CLMP: variants seen among roughly 807,000 people sequenced by gnomAD.
The protein encoded by CLMP is CXADR-like membrane protein.
In CLMP, 27 loss-of-function variants were observed where a neutral mutation model predicts 45.2. The ratio of observed to expected loss-of-function variants is 0.60; its 90% CI spans 0.44 to 0.82. The LOEUF (loss-of-function observed/expected upper bound fraction) is 0.82. Ranked by LOEUF, CLMP falls within the 40% of genes least tolerant of loss-of-function variation. The pLI is 0.00. For missense variants in CLMP, 403 were observed against 448.4 expected, an observed-to-expected ratio of 0.90 and a Z score of 0.91; for synonymous variants, 167 against 171.4, an observed-to-expected ratio of 0.97 and a Z score of 0.20.
At chr11:123,073,984 T>C (rs1865705107) in intron 6 of CLMP, among the ~76,000 whole-genome samples, 1 of 152,086 alleles carries the variant, frequency 6.6e-6, no homozygotes, top group Admixed American at 6.6e-5. Flanking sequence ...TCAACTCTAT[T>C]ATACTGGGAG....
chr11:123,185,645 G>A (rs1414037225), intron 1 of CLMP, among the ~76,000 whole-genome samples: 4 of 152,180 alleles, frequency 2.6e-5, no homozygotes, highest in African/African-American at 9.7e-5. Context: ...GCTCCCCCAG[G>A]GGAAGGCAGA....
At chr11:123,116,289 T>G (rs768975858) in intron 1 of CLMP, among the ~76,000 whole-genome samples, 1 of 151,984 alleles carries the variant, frequency 6.6e-6, no homozygotes, top group African/African-American at 2.4e-5. Flanking sequence ...CTTAAAGGCC[T>G]GGCATGGTGG....
intron 1 of CLMP, among the ~76,000 whole-genome samples, chr11:123,185,064 G>C (rs1226110904): frequency 6.6e-6 from 1 of 152,212 alleles, no homozygotes; most frequent in African/African-American, 2.4e-5. Context: ...GCGGATGGGA[G>C]GGAGCTGGTC....
chr11:123,113,231 C>T (rs1003127223), intron 1 of CLMP, among the ~76,000 whole-genome samples: 11 of 152,188 alleles, frequency 7.2e-5, no homozygotes, highest in African/African-American at 2.7e-4. Flanking sequence ...ACCTGGAGTG[C>T]ATATTTGTTC....
intron 1 of CLMP, among the ~76,000 whole-genome samples, chr11:123,110,921 G>A (rs1257277146): frequency 6.6e-6 from 1 of 152,110 alleles, no homozygotes; most frequent in African/African-American, 2.4e-5. Flanking sequence ...GAGTGTGTGA[G>A]TAGCTGTAAA....
chr11:123,082,536 C>T (rs1043935714), intron 5 of CLMP, among the ~76,000 whole-genome samples: 2 of 151,660 alleles, frequency 1.3e-5, no homozygotes, highest in Admixed American at 1.3e-4. Flanking sequence ...CTCCTGACCT[C>T]GTGATCTGCC....
chr11:123,140,551 T>A (rs1032009091), intron 1 of CLMP, among the ~76,000 whole-genome samples: 1 of 152,026 alleles, frequency 6.6e-6, no homozygotes, highest in Admixed American at 6.6e-5. Flanking sequence ...CCTGCCTCCA[T>A]CTTATACCTC....
chr11:123,104,851 G>C (rs1200854251), intron 1 of CLMP, among the ~76,000 whole-genome samples: 1 of 152,218 alleles, frequency 6.6e-6, no homozygotes, highest in African/African-American at 2.4e-5. Flanking sequence ...GAGATCATCA[G>C]TTTAACTTAT....
chr11:123,161,099 T>C (rs750270488), intron 1 of CLMP, among the ~76,000 whole-genome samples: 3 of 152,186 alleles, frequency 2.0e-5, no homozygotes, highest in Non-Finnish European at 2.9e-5. Context: ...GAAAGGCAAT[T>C]ACTTGTCCAA....
chr11:123,097,687 A>C, intron 2 of CLMP, 108 bp downstream of exon 2: 1 of 859,544 alleles, frequency 1.2e-6, no homozygotes, highest in Non-Finnish European at 1.8e-6. Context: ...GCCAGATGAA[A>C]AAGGAACTCC....
At chr11:123,078,583 A>T (rs1248813960) in intron 5 of CLMP, among the ~76,000 whole-genome samples, 1 of 151,306 alleles carries the variant, frequency 6.6e-6, no homozygotes, top group Non-Finnish European at 1.5e-5. Context: ...AGTAGCTGGG[A>T]TTAGAGGTGT....
intron 1 of CLMP, chr11:123,188,797 C>G (rs1861866189): frequency 6.6e-6 from 1 of 152,188 alleles, no homozygotes. Flanking sequence ...AGGAAATAAA[C>G]TTTTATTTTT....
rs537501212 is a variant in CLMP at position 123,115,249 on chromosome 11, T to C, written c.29-17297A>G. On this transcript the variant is annotated intron_variant, in intron 1 of 6. Coordinates refer to ENST00000448775, the MANE Select transcript of CLMP (RefSeq NM_024769.5). Reference sequence around the variant, plus strand: ...TTTTGGTAGAGACAAGGTCTTGCTGTGTTGCCCAGGCTGGTCTCCAACTCC... The same window carrying C: ...TTTTGGTAGAGACAAGGTCTTGCTGCGTTGCCCAGGCTGGTCTCCAACTCC... 1.9e-3 allele frequency among the ~76,000 whole-genome samples: 287 copies of C among 152,046 alleles called. 1 individual carries two copies. The highest frequency in any genetic ancestry group is 4.7e-3 in the Admixed American group (72 of 15,242).
intron 2 of CLMP, among the ~76,000 whole-genome samples, chr11:123,096,354 AAAC>A (rs913790748): frequency 2.0e-5 from 3 of 151,952 alleles, no homozygotes; most frequent in African/African-American, 4.8e-5. Context: ...ACTTCATCTC[AAAC>A]AACAACAACA....
At chr11:123,168,884 T>C (rs1349921169) in intron 1 of CLMP, among the ~76,000 whole-genome samples, 1 of 152,224 alleles carries the variant, frequency 6.6e-6, no homozygotes, top group Non-Finnish European at 1.5e-5. Flanking sequence ...CCCTGGGTTA[T>C]GCAGCATCTA....
chr11:123,105,871 C>T (rs1860538327), intron 1 of CLMP, among the ~76,000 whole-genome samples: 1 of 150,696 alleles, frequency 6.6e-6, no homozygotes, highest in East Asian at 2.0e-4. Flanking sequence ...GGCTGGAGTA[C>T]AGTAGCGCAA....
At chr11:123,083,635 A>G in intron 4 of CLMP, 45 bp downstream of exon 4, 1 of 1,590,532 alleles carries the variant, frequency 6.3e-7, no homozygotes, top group Non-Finnish European at 8.6e-7. Context: ...TCACGGATAG[A>G]GGACTATTTT....
intron 1 of CLMP, among the ~76,000 whole-genome samples, chr11:123,177,833 C>A (rs887591385): frequency 1.1e-4 from 17 of 152,154 alleles, no homozygotes; most frequent in Non-Finnish European, 1.8e-4. Flanking sequence ...CCCAAAAAAT[C>A]TTGTTTTTAT....
rs534180855 is a variant in CLMP at position 123,103,716 on chromosome 11, C to CT, written c.29-5765dup. Among the ~76,000 whole-genome samples the CT allele has an allele frequency of 1.9e-4, 28 of 149,444 alleles. No individual in the cohort carries two copies. In the South Asian group the frequency reaches 1.9e-3, roughly 10 times the overall value. On this transcript the variant is annotated intron_variant, in intron 1 of 6. Transcript: ENST00000448775. ...TCCCTTTTTTTTTCTTTCTTTCTTT[C>CT]TTTTTTTTTACATTAAAGCTTTTAC...
Sources: allele counts gnomAD v4.1 joint callset (sites outside exome capture counted in the v4.1 genomes callset), GRCh38; gene constraint gnomAD v4.1.1; transcripts MANE v1.5; gene names NCBI Gene and HGNC (gene_info 2026-07-23, HGNC 2026-07-21).